The following LRRTM4 variants were observed in gnomAD, a reference collection of about 807,000 sequenced individuals.
LRRTM4 encodes the protein leucine rich repeat transmembrane neuronal 4.
Under a neutral mutation model 47.6 loss-of-function variants are expected in LRRTM4, and 25 were observed. That is an observed-to-expected ratio of 0.53 (90% CI 0.38 to 0.73). The LOEUF (loss-of-function observed/expected upper bound fraction) is 0.73, where lower values mean the gene tolerates loss of function less well. Ranked by LOEUF, LRRTM4 falls within the 30% of genes least tolerant of loss-of-function variation. LRRTM4 has a pLI of 0.00. For synonymous variants in LRRTM4, 311 were observed against 269.5 expected (o/e 1.15, Z -1.51); for missense variants, 638 against 713.4 (o/e 0.89, Z 1.20).
intron 3 of LRRTM4, among the ~76,000 whole-genome samples, chr2:77,078,425 T>C (rs544835470): frequency 5.6e-4 from 85 of 152,070 alleles, no homozygotes; most frequent in Middle Eastern, 3.4e-3. Context: ...GGTGCACTGC[T>C]CTGTGATCCC....
At chr2:77,475,646 A>G (rs896014840) in intron 3 of LRRTM4, among the ~76,000 whole-genome samples, 2 of 151,866 alleles carry the variant, frequency 1.3e-5, no homozygotes, top group South Asian at 2.1e-4. Context: ...TTATATTTCT[A>G]TATTGTCTTC....
At position 77,521,534 on chromosome 2, in the gene LRRTM4, T is replaced by C. The variant is rs1573525675; in HGVS notation, c.4+134A>G. On this transcript the variant is annotated intron_variant, in intron 2 of 3. Transcript: ENST00000409884. Reference sequence around the variant, plus strand: ...TCTAAAAATATAATAGCAACTATAGTGAATCAACTGGCAAACTCAAAGGCT... The same window carrying C: ...TCTAAAAATATAATAGCAACTATAGCGAATCAACTGGCAAACTCAAAGGCT... 15 of 948,142 alleles carry C rather than the reference T, an allele frequency of 1.6e-5. No individual in the cohort carries two copies. In the East Asian group the frequency reaches 3.6e-4, roughly 23 times the overall value. The allele number at this position is 948,142 out of a possible 1,614,324, so 58.7% of individuals were successfully genotyped here.
intron 3 of LRRTM4, among the ~76,000 whole-genome samples, chr2:77,514,800 G>A (rs560475611): frequency 6.6e-6 from 1 of 151,802 alleles, no homozygotes; most frequent in Admixed American, 6.6e-5. Context: ...AAAGGCCGCT[G>A]CTACTTTCAG....
chr2:77,277,567 A>G (rs929059198), intron 3 of LRRTM4, among the ~76,000 whole-genome samples: 2 of 151,992 alleles, frequency 1.3e-5, no homozygotes, highest in African/African-American at 2.4e-5. Context: ...GTGAAGGGGG[A>G]TATCCTCACA....
At chr2:76,864,212 A>C (rs1397377298) in intron 3 of LRRTM4, among the ~76,000 whole-genome samples, 1 of 152,218 alleles carries the variant, frequency 6.6e-6, no homozygotes, top group Non-Finnish European at 1.5e-5. Context: ...GGTGGGATTC[A>C]GATCAAAAGG....
rs1010718317 is a variant in LRRTM4 at position 77,132,328 on chromosome 2, C to T, written c.1552-383412G>A. The stretch of plus-strand genomic sequence containing the variant: ...TTGCTGCAAATGACTTAATTTTATT[C>T]TTTTTTATGATTAAATAGTACTTCA... On this transcript the variant is annotated intron_variant, in intron 3 of 3. Transcript: ENST00000409884. Among the ~76,000 whole-genome samples the T allele has an allele frequency of 3.4e-4, 51 of 151,998 alleles. 1 individual carries two copies. Among genetic ancestry groups the T allele is most frequent in the Non-Finnish European group, 4.4e-5 (3 of 67,972 alleles).
intron 3 of LRRTM4, among the ~76,000 whole-genome samples, chr2:76,781,272 G>C (rs965957832): frequency 3.9e-5 from 6 of 152,236 alleles, no homozygotes; most frequent in Admixed American, 3.3e-4. Flanking sequence ...GAGCTGTGGT[G>C]GGCTCCACCC....
intron 3 of LRRTM4, among the ~76,000 whole-genome samples, chr2:77,300,445 C>T (rs1677104482): frequency 6.6e-6 from 1 of 152,120 alleles, no homozygotes; most frequent in Non-Finnish European, 1.5e-5. Flanking sequence ...CTGAGTTCTA[C>T]CAAAGACTAG....
At chr2:77,222,263 T>C (rs925683598) in intron 3 of LRRTM4, among the ~76,000 whole-genome samples, 2 of 152,036 alleles carry the variant, frequency 1.3e-5, no homozygotes, top group East Asian at 1.9e-4. Context: ...AGGAAAGATC[T>C]AAAATTGACA....
chr2:76,781,373 G>T (rs1050160046), intron 3 of LRRTM4, among the ~76,000 whole-genome samples: 2 of 152,232 alleles, frequency 1.3e-5, no homozygotes, highest in African/African-American at 4.8e-5. Context: ...CTTGCAGTTT[G>T]ATCTCAGACT....
chr2:77,071,240 ATAACT>A (rs1362033052), intron 3 of LRRTM4, among the ~76,000 whole-genome samples: 3 of 152,332 alleles, frequency 2.0e-5, no homozygotes, highest in Non-Finnish European at 4.4e-5. Context: ...CAATAATTAC[ATAACT>A]TAAACTTTAA....
intron 3 of LRRTM4, among the ~76,000 whole-genome samples, chr2:77,230,524 A>G (rs1186850408): frequency 1.3e-5 from 2 of 152,188 alleles, no homozygotes; most frequent in African/African-American, 4.8e-5. Flanking sequence ...TGAATATAAA[A>G]TAAGATTGTG....
At chr2:77,165,338 A>C (rs573429258) in intron 3 of LRRTM4, among the ~76,000 whole-genome samples, 21 of 152,266 alleles carry the variant, frequency 1.4e-4, no homozygotes, top group African/African-American at 5.1e-4. Context: ...ACCAACCAAA[A>C]AAAGTCCAGG....
At chr2:76,929,236 C>T (rs1558744239) in intron 3 of LRRTM4, among the ~76,000 whole-genome samples, 1 of 152,098 alleles carries the variant, frequency 6.6e-6, no homozygotes, top group East Asian at 1.9e-4. Context: ...GTTTTGTTTG[C>T]TTTGTTTTGT....
At chr2:76,987,106 CTTAT>C (rs1169704486) in intron 3 of LRRTM4, among the ~76,000 whole-genome samples, 2 of 151,776 alleles carry the variant, frequency 1.3e-5, no homozygotes, top group African/African-American at 2.4e-5. Context: ...AATAACAATT[CTTAT>C]TTATTTAATC....
intron 3 of LRRTM4, among the ~76,000 whole-genome samples, chr2:77,477,809 AGCCTGCGCAACAAGGCT>A (rs1426090967): frequency 1.4e-5 from 2 of 146,156 alleles, no homozygotes; most frequent in African/African-American, 5.1e-5. Context: ...ATCACACTCC[AGCCTGCGCAACAAGGCT>A]GGAGCAAAAC....
At chr2:76,940,189 T>G (rs1190143276) in intron 3 of LRRTM4, among the ~76,000 whole-genome samples, 1 of 152,084 alleles carries the variant, frequency 6.6e-6, no homozygotes, top group Admixed American at 6.5e-5. Context: ...CACATACATA[T>G]GTATGTTCAT....
intron 3 of LRRTM4, among the ~76,000 whole-genome samples, chr2:77,310,218 T>G (rs1418868604): frequency 6.6e-6 from 1 of 152,136 alleles, no homozygotes; most frequent in African/African-American, 2.4e-5. Flanking sequence ...AATACCATAA[T>G]GTTGACAATG....
chr2:77,451,808 TA>T (rs991642288), intron 3 of LRRTM4, among the ~76,000 whole-genome samples: 3 of 152,106 alleles, frequency 2.0e-5, no homozygotes, highest in African/African-American at 7.2e-5. Flanking sequence ...CATTTCAGGT[TA>T]AAAAAATCTG....
Sources: allele counts gnomAD v4.1 joint callset (sites outside exome capture counted in the v4.1 genomes callset), GRCh38; gene constraint gnomAD v4.1.1; transcripts MANE v1.5; gene names NCBI Gene and HGNC (gene_info 2026-07-23, HGNC 2026-07-21).